MAGI2: variants seen among roughly 807,000 people sequenced by gnomAD.
MAGI2 encodes the protein membrane associated guanylate kinase, WW and PDZ domain containing 2, also known as membrane-associated guanylate kinase, WW and PDZ domain-containing protein 2.
MAGI2 carries 35 observed loss-of-function variants against 133.3 expected under a neutral mutation model. The ratio of observed to expected loss-of-function variants is 0.26; its 90% CI spans 0.20 to 0.35. MAGI2 has a LOEUF of 0.35. Among genes scored for constraint, MAGI2 ranks in the 10% least tolerant of loss-of-function variants. The pLI, the probability that MAGI2 is intolerant of heterozygous loss-of-function variation, is 1.00. For missense variants in MAGI2, 1,636 were observed against 1,863.4 expected (o/e 0.88, Z 2.25); for synonymous variants, 729 against 710.6 (o/e 1.03, Z -0.41).
At position 78,554,584 on chromosome 7, in the gene MAGI2, C is replaced by T. The variant is rs182767581; in HGVS notation, c.539-32939G>A. On this transcript the variant is annotated intron_variant, in intron 3 of 21. Coordinates refer to ENST00000354212, the MANE Select transcript of MAGI2 (RefSeq NM_012301.4). ...ACTCTTACCTTCTTCTCGCCCATCT[C>T]CCCGGAAGGCGGCCATAAATCCCAG... is the stretch of plus-strand genomic sequence containing the variant. 1.8e-3 allele frequency: 270 copies of T among 152,294 alleles called. 1 individual carries two copies. The highest frequency in any genetic ancestry group is 0.014 in the Admixed American group (216 of 15,288). 9.4% of individuals were successfully genotyped at this position (152,294 alleles called of 1,614,324 possible).
At chr7:78,264,302 T>G (rs568800323) in intron 9 of MAGI2, among the ~76,000 whole-genome samples, 1 of 152,270 alleles carries the variant, frequency 6.6e-6, no homozygotes, top group South Asian at 2.1e-4. Flanking sequence ...ATTGAGGAAG[T>G]GAATCCAAGA....
chr7:79,028,836 T>A (rs971044854), intron 1 of MAGI2, among the ~76,000 whole-genome samples: 2 of 152,164 alleles, frequency 1.3e-5, no homozygotes, highest in Non-Finnish European at 2.9e-5. Context: ...ACTGATAAGC[T>A]ATTGTCTTGG....
intron 20 of MAGI2, among the ~76,000 whole-genome samples, chr7:78,093,618 G>C (rs1182271434): frequency 1.3e-5 from 2 of 152,240 alleles, no homozygotes; most frequent in Non-Finnish European, 2.9e-5. Context: ...TCAGAACCCA[G>C]AGTACCACTT....
At chr7:79,054,558 C>A (rs1812969639) in intron 1 of MAGI2, among the ~76,000 whole-genome samples, 1 of 152,100 alleles carries the variant, frequency 6.6e-6, no homozygotes, top group African/African-American at 2.4e-5. Context: ...ACTGTCTCTC[C>A]CATTCTGGTC....
At chr7:78,245,477 C>T (rs554095238) in intron 10 of MAGI2, among the ~76,000 whole-genome samples, 2 of 152,200 alleles carry the variant, frequency 1.3e-5, no homozygotes, top group African/African-American at 4.8e-5. Context: ...CAAGGACAGT[C>T]CAAACAACAG....
At chr7:79,026,733 G>A (rs1309201092) in intron 1 of MAGI2, among the ~76,000 whole-genome samples, 3 of 151,962 alleles carry the variant, frequency 2.0e-5, no homozygotes, top group African/African-American at 7.3e-5. Context: ...ACTTAGTCCG[G>A]TGTGTTGGTG....
intron 21 of MAGI2, among the ~76,000 whole-genome samples, chr7:78,035,844 T>C (rs2151072906): frequency 6.6e-6 from 1 of 152,242 alleles, no homozygotes; most frequent in Non-Finnish European, 1.5e-5. Flanking sequence ...CACAATTAAA[T>C]GATTTATTCC....
At chr7:78,070,018 G>A (rs1267220638) in intron 21 of MAGI2, among the ~76,000 whole-genome samples, 1 of 151,506 alleles carries the variant, frequency 6.6e-6, no homozygotes, top group Non-Finnish European at 1.5e-5. Context: ...CGACTTAAGT[G>A]TTTGGGAATT....
chr7:78,629,928 ATTTCT>A (rs1326566168), intron 2 of MAGI2, among the ~76,000 whole-genome samples: 14 of 152,058 alleles, frequency 9.2e-5, no homozygotes, highest in African/African-American at 3.4e-4. Flanking sequence ...GCTAAGACAA[ATTTCT>A]TTTCCTTTGC....
At chr7:78,522,260 A>T (rs1282746448) in intron 3 of MAGI2, among the ~76,000 whole-genome samples, 6 of 152,282 alleles carry the variant, frequency 3.9e-5, no homozygotes, top group Middle Eastern at 3.4e-3. Context: ...TGAGCTATGG[A>T]ATCATCTGTT....
At chr7:78,126,193 GGTGT>G (rs3085805) in intron 19 of MAGI2, among the ~76,000 whole-genome samples, 47 of 149,098 alleles carry the variant, frequency 3.2e-4, no homozygotes, top group East Asian at 1.2e-3. Flanking sequence ...ATAAATGTCA[GGTGT>G]GTGTGTGTGT....
At chr7:78,369,279 T>A (rs908308106) in intron 6 of MAGI2, 66 bp from the exon 7 acceptor site, 13 of 1,157,996 alleles carry the variant, frequency 1.1e-5, no homozygotes, top group Non-Finnish European at 1.6e-5. Flanking sequence ...AGTAATATAA[T>A]TTAATTGTTC....
intron 1 of MAGI2, among the ~76,000 whole-genome samples, chr7:79,257,305 A>G (rs1833762093): frequency 6.6e-6 from 1 of 152,230 alleles, no homozygotes; most frequent in Non-Finnish European, 1.5e-5. Flanking sequence ...CATTTTTATT[A>G]TAACAAACCA....
intron 1 of MAGI2, among the ~76,000 whole-genome samples, chr7:79,179,677 G>T (rs1011804973): frequency 6.6e-6 from 1 of 151,868 alleles, no homozygotes. Context: ...ATGAGGGAAA[G>T]GATACCTTGT....
chr7:78,811,225 C>A (rs1789015341), intron 2 of MAGI2, among the ~76,000 whole-genome samples: 2 of 151,930 alleles, frequency 1.3e-5, no homozygotes, highest in African/African-American at 2.4e-5. Flanking sequence ...TACCAATACA[C>A]TGAATTTATT....
intron 3 of MAGI2, among the ~76,000 whole-genome samples, chr7:78,565,658 C>T (rs1290425400): frequency 6.6e-6 from 1 of 152,026 alleles, no homozygotes; most frequent in South Asian, 2.1e-4. Flanking sequence ...ACAACACAGC[C>T]TTACTATTGG....
intron 9 of MAGI2, among the ~76,000 whole-genome samples, chr7:78,295,706 T>G (rs931603472): frequency 6.6e-6 from 1 of 152,146 alleles, no homozygotes; most frequent in Non-Finnish European, 1.5e-5. Flanking sequence ...TCCGATCCCA[T>G]GGATTTCAAT....
chr7:78,959,681 C>T (rs372514870), intron 2 of MAGI2, among the ~76,000 whole-genome samples: 3 of 152,024 alleles, frequency 2.0e-5, no homozygotes, highest in African/African-American at 4.8e-5. Flanking sequence ...ATTGTGTCAC[C>T]GTGTGGTTGA....
intron 2 of MAGI2, among the ~76,000 whole-genome samples, chr7:78,737,877 T>C (rs551514000): frequency 1.3e-5 from 2 of 152,202 alleles, no homozygotes; most frequent in Admixed American, 6.5e-5. Context: ...TTTTTAATAG[T>C]GCACCTGAAA....
Sources: gnomAD v4.1 joint callset for allele counts (sites outside exome capture counted in the v4.1 genomes callset) on GRCh38, gnomAD v4.1.1 for gene constraint, MANE v1.5 for transcripts, NCBI Gene and HGNC (gene_info 2026-07-23, HGNC 2026-07-21) for gene names.